The following FRMD3 variants were observed in gnomAD, a reference collection of about 807,000 sequenced individuals.
FRMD3 encodes FERM domain containing 3, also known as FERM domain-containing protein 3.
Under a neutral mutation model 70.2 loss-of-function variants are expected in FRMD3, and 33 were observed. That is an observed-to-expected ratio of 0.47 (90% confidence interval 0.36 to 0.63). The LOEUF is 0.63. Ranked by LOEUF, FRMD3 falls within the 20% of genes least tolerant of loss-of-function variation. The pLI, the probability that FRMD3 is intolerant of heterozygous loss-of-function variation, is 0.00. For synonymous variants in FRMD3, 279 were observed against 255.9 expected (o/e 1.09, Z -0.86); for missense variants, 632 against 711.4 (o/e 0.89, Z 1.27).
rs980786733 is a variant in FRMD3, at chr9:83,335,395, C to T, written c.596+121G>A. On this transcript the variant is annotated intron_variant, in intron 6 of 13. Coordinates refer to ENST00000304195, the MANE Select transcript of FRMD3 (RefSeq NM_174938.6). ...AGTGCCCAGAAAAATTGCGCTGCCA[C>T]GCAAAACAGCCTATCCATACATTAC... The T allele has an allele frequency of 7.5e-6, 8 of 1,069,516 alleles. No individual in the cohort carries two copies. The East Asian group carries it at 1.3e-4, about 17-fold the overall frequency. The allele number at this position is 1,069,516 out of a possible 1,614,324, so 66.3% of individuals were successfully genotyped here.
chr9:83,528,320 C>T (rs898983131), intron 1 of FRMD3, among the ~76,000 whole-genome samples: 5 of 151,906 alleles, frequency 3.3e-5, no homozygotes, highest in East Asian at 3.9e-4. Context: ...CACACACACA[C>T]GTGCATAGTT....
At chr9:83,525,638 G>T (rs750867253) in intron 1 of FRMD3, among the ~76,000 whole-genome samples, 1 of 152,084 alleles carries the variant, frequency 6.6e-6, no homozygotes, top group African/African-American at 2.4e-5. Context: ...AAAGAAAATC[G>T]TATGCTTTGA....
chr9:83,407,867 C>CTCATCTG (rs1210852095), intron 1 of FRMD3, among the ~76,000 whole-genome samples: 1 of 121,676 alleles, frequency 8.2e-6, no homozygotes, highest in East Asian at 2.5e-4. Context: ...CTCTCTCTCT[C>CTCATCTG]TCTCTCATCT....
intron 6 of FRMD3, among the ~76,000 whole-genome samples, chr9:83,315,288 T>C (rs984050019): frequency 6.6e-6 from 1 of 152,178 alleles, no homozygotes; most frequent in Non-Finnish European, 1.5e-5. Flanking sequence ...TTTCCTTAAG[T>C]GTTTGGTGAT....
chr9:83,497,167 C>A lies in FRMD3; in HGVS notation c.147+40918G>T, dbSNP rs112584282. 5.3e-3 allele frequency among the ~76,000 whole-genome samples: 812 copies of A among 152,128 alleles called. 9 individuals are homozygous for A. The highest frequency in any genetic ancestry group is 0.019 in the African/African-American group (773 of 41,498). ...GAGTAATACCCAAATTCAGTACATG[C>A]TGAAGGGAATTATGCACAATACTCT... On this transcript the variant is annotated intron_variant, in intron 1 of 13. Transcript: ENST00000304195.
chr9:83,267,298 G>C, intron 13 of FRMD3: 1 of 1,450,082 alleles, frequency 6.9e-7, no homozygotes, highest in Non-Finnish European at 9.1e-7. Context: ...TGAGGGATCA[G>C]CATTGGGAGG....
chr9:83,443,765 A>C (rs928790269), intron 1 of FRMD3, among the ~76,000 whole-genome samples: 1 of 152,140 alleles, frequency 6.6e-6, no homozygotes, highest in Non-Finnish European at 1.5e-5. Context: ...CAACAGTGTA[A>C]AAGCGCTCCT....
intron 8 of FRMD3, 98 bp downstream of exon 8, chr9:83,311,789 C>G: frequency 1.2e-6 from 1 of 830,626 alleles, no homozygotes; most frequent in Admixed American, 2.1e-5. Context: ...AAATGGATAC[C>G]AGGCATTCTA....
intron 1 of FRMD3, among the ~76,000 whole-genome samples, chr9:83,428,458 G>A (rs1826876371): frequency 6.6e-6 from 1 of 151,344 alleles, no homozygotes; most frequent in South Asian, 2.1e-4. Context: ...ATTGACAAAA[G>A]AATGGAAGGA....
At chr9:83,433,771 C>T (rs1390541294) in intron 1 of FRMD3, among the ~76,000 whole-genome samples, 1 of 152,164 alleles carries the variant, frequency 6.6e-6, no homozygotes, top group East Asian at 1.9e-4. Flanking sequence ...ACAATAGGGT[C>T]TGCACCCCTA....
intron 4 of FRMD3, among the ~76,000 whole-genome samples, chr9:83,349,413 C>T (rs1824070483): frequency 6.6e-6 from 1 of 152,186 alleles, no homozygotes; most frequent in Non-Finnish European, 1.5e-5. Flanking sequence ...TTTAGCACCC[C>T]ACTGTCAGAT....
At chr9:83,323,922 C>T (rs1406064405) in intron 6 of FRMD3, among the ~76,000 whole-genome samples, 6 of 152,190 alleles carry the variant, frequency 3.9e-5, no homozygotes, top group Admixed American at 1.3e-4. Flanking sequence ...CAAACTCTGG[C>T]AAGTTCCACA....
Position 83,329,587 on chromosome 9 carries a change from C to T in FRMD3, c.596+5929G>A, listed in dbSNP as rs114136911. ...CCATTTTTTTAAACTATAGCCATGGCGCATGATTTACAGAGAATATAACCT... is the reference window on the plus strand; with the variant it reads ...CCATTTTTTTAAACTATAGCCATGGTGCATGATTTACAGAGAATATAACCT... On this transcript the variant is annotated intron_variant, in intron 6 of 13. Coordinates refer to ENST00000304195, the MANE Select transcript of FRMD3 (RefSeq NM_174938.6). Among the ~76,000 whole-genome samples the T allele has an allele frequency of 2.3e-3, 346 of 152,132 alleles. 1 individual carries two copies. The highest frequency in any genetic ancestry group is 8.0e-3 in the African/African-American group (334 of 41,504).
At chr9:83,433,609 A>G (rs1827045058) in intron 1 of FRMD3, among the ~76,000 whole-genome samples, 1 of 152,202 alleles carries the variant, frequency 6.6e-6, no homozygotes, top group African/African-American at 2.4e-5. Context: ...ATAATTATAC[A>G]ACTTACCACA....
chr9:83,303,992 T>C (rs1835021212), intron 10 of FRMD3, among the ~76,000 whole-genome samples: 1 of 152,228 alleles, frequency 6.6e-6, no homozygotes, highest in African/African-American at 2.4e-5. Flanking sequence ...ACTCATGCAA[T>C]ATGTGGTGCT....
Position 83,244,743 on chromosome 9 carries a change from A to G in FRMD3, c.*3175T>C. ...AAGGTAAGGCTCCAATCACAGTAAC[A>G]TGGCCCCCATATCTCTAGTATTTCA... On this transcript the variant is annotated 3_prime_UTR_variant, in exon 14 of 14. Transcript: ENST00000304195. 1.0e-6 allele frequency: 1 copy of G among 985,218 alleles called. No individual in the cohort carries two copies. Among genetic ancestry groups the G allele is most frequent in the Non-Finnish European group, 1.2e-6 (1 of 829,704 alleles). The allele number at this position is 985,218 out of a possible 1,614,324, so 61.0% of individuals were successfully genotyped here.
the FRMD3 span, among the ~76,000 whole-genome samples, chr9:83,543,620 C>T: frequency 6.6e-6 from 1 of 152,184 alleles, no homozygotes; most frequent in Non-Finnish European, 1.5e-5. Context: ...GATTGTGGCA[C>T]CCACATGGGG....
chr9:83,289,876 G>A (rs1003404926), intron 13 of FRMD3, among the ~76,000 whole-genome samples: 1 of 152,206 alleles, frequency 6.6e-6, no homozygotes, highest in Non-Finnish European at 1.5e-5. Flanking sequence ...AAGCATTGTG[G>A]TGAGATTCTT....
At chr9:83,466,295 G>T (rs1056165785) in intron 1 of FRMD3, among the ~76,000 whole-genome samples, 3 of 152,158 alleles carry the variant, frequency 2.0e-5, no homozygotes, top group Non-Finnish European at 4.4e-5. Context: ...TCAAGAATTT[G>T]CATTTTGGTT....
Sources: allele counts gnomAD v4.1 joint callset (sites outside exome capture counted in the v4.1 genomes callset), GRCh38; gene constraint gnomAD v4.1.1; transcripts MANE v1.5; gene names NCBI Gene and HGNC (gene_info 2026-07-23, HGNC 2026-07-21).